NTM: variants seen among roughly 807,000 people sequenced by gnomAD.
The protein encoded by NTM is IgLON family member 2.
Under a neutral mutation model 42.1 loss-of-function variants are expected in NTM, and 13 were observed. That is an observed-to-expected ratio of 0.31 (90% CI 0.20 to 0.49). The LOEUF is 0.49. NTM is among the 20% of genes least tolerant of loss of function. The pLI is 0.99. For synonymous variants in NTM, 187 were observed against 179.2 expected (o/e 1.04, Z -0.35); for missense variants, 373 against 452.8 (o/e 0.82, Z 1.60).
chr11:132,171,922 A>G (rs2076171727), intron 3 of NTM, among the ~76,000 whole-genome samples: 1 of 152,146 alleles, frequency 6.6e-6, no homozygotes, highest in African/African-American at 2.4e-5. Flanking sequence ...CAAATCTCCT[A>G]TGGTGGTCTC....
At chr11:132,004,634 T>TCTCA (rs1296009968) in intron 2 of NTM, among the ~76,000 whole-genome samples, 62 of 104,636 alleles carry the variant, frequency 5.9e-4, no homozygotes, top group South Asian at 1.1e-3. Context: ...TCTCTCTCTC[T>TCTCA]CACACACACA....
At chr11:131,523,816 A>G (rs1332342555) in intron 1 of NTM, among the ~76,000 whole-genome samples, 1 of 150,964 alleles carries the variant, frequency 6.6e-6, no homozygotes, top group African/African-American at 2.4e-5. Context: ...GAATAAGAAG[A>G]AGAAAAGGAA....
intron 1 of NTM, among the ~76,000 whole-genome samples, chr11:131,781,519 G>A (rs1241614893): frequency 6.6e-6 from 1 of 151,954 alleles, no homozygotes; most frequent in East Asian, 1.9e-4. Flanking sequence ...ATTTATTATT[G>A]TTAAATGTGT....
At chr11:131,621,197 C>T (rs954651310) in intron 1 of NTM, among the ~76,000 whole-genome samples, 2 of 152,184 alleles carry the variant, frequency 1.3e-5, no homozygotes, top group Non-Finnish European at 2.9e-5. Flanking sequence ...TAATTTACGT[C>T]TGTGTATTCA....
chr11:132,002,611 C>T lies in NTM; in HGVS notation c.167+90963C>T, dbSNP rs893867475. ...TGAATAACTTTCTGCCTCTAGTATC[C>T]CCAAACTTATGTTTTGTTTTTTCTT... On this transcript the variant is annotated intron_variant, in intron 2 of 8. Transcript: ENST00000683400. The surrounding 1 kb of genome is among the most constrained non-coding windows in gnomAD (Gnocchi z 4.5). 4.1e-4 allele frequency among the ~76,000 whole-genome samples: 62 copies of T among 152,274 alleles called. No homozygotes were observed. The highest frequency in any genetic ancestry group is 1.4e-3 in the African/African-American group (59 of 41,548).
chr11:131,927,805 TAGTC>T (rs2058127298), intron 2 of NTM, among the ~76,000 whole-genome samples: 1 of 152,194 alleles, frequency 6.6e-6, no homozygotes, highest in African/African-American at 2.4e-5. Context: ...GGGTCACACA[TAGTC>T]AGCTCCCAAT....
At chr11:131,686,634 C>T (rs969894013) in intron 1 of NTM, among the ~76,000 whole-genome samples, 23 of 152,196 alleles carry the variant, frequency 1.5e-4, no homozygotes, top group Non-Finnish European at 3.2e-4. Flanking sequence ...TGTGGATCCA[C>T]GTATAAGTGG....
At chr11:132,214,392 C>G (rs958235856) in intron 4 of NTM, among the ~76,000 whole-genome samples, 2 of 151,574 alleles carry the variant, frequency 1.3e-5, no homozygotes, top group African/African-American at 4.8e-5. Context: ...TGTTTGATGT[C>G]TCTTCTCATT....
chr11:131,977,309 G>C (rs1218194662), intron 2 of NTM, among the ~76,000 whole-genome samples: 1 of 152,328 alleles, frequency 6.6e-6, no homozygotes, highest in East Asian at 1.9e-4. Context: ...CCCACGTGTT[G>C]TACTGCCAAA....
At chr11:131,739,187 C>CT (rs202211213) in intron 1 of NTM, among the ~76,000 whole-genome samples, 24,951 of 144,126 alleles carry the variant, frequency 0.17, 2,286 homozygotes, top group East Asian at 0.31. Context: ...CACAAGTTTT[C>CT]TTTTTTTTTT....
At chr11:132,172,004 T>C (rs1015214606) in intron 3 of NTM, among the ~76,000 whole-genome samples, 1 of 152,204 alleles carries the variant, frequency 6.6e-6, no homozygotes, top group African/African-American at 2.4e-5. Context: ...CCTATATTGG[T>C]GCTCATTCAG....
intron 1 of NTM, among the ~76,000 whole-genome samples, chr11:131,835,788 T>G (rs1187378414): frequency 2.0e-5 from 3 of 152,202 alleles, no homozygotes; most frequent in Non-Finnish European, 4.4e-5. Context: ...ATGCACTATT[T>G]GTTTTAACTC....
chr11:131,910,434 C>A (rs985245534), intron 1 of NTM, among the ~76,000 whole-genome samples: 4 of 151,762 alleles, frequency 2.6e-5, no homozygotes, highest in African/African-American at 9.7e-5. Flanking sequence ...CAGCCTGGGC[C>A]CGGCGCGGCG....
intron 2 of NTM, among the ~76,000 whole-genome samples, chr11:131,984,311 C>T (rs1050265320): frequency 8.5e-5 from 13 of 152,180 alleles, no homozygotes; most frequent in Non-Finnish European, 1.5e-5. Context: ...ATTCCAAAGT[C>T]CTTTTAAATG....
intron 4 of NTM, among the ~76,000 whole-genome samples, chr11:132,263,213 G>A (rs113377690): frequency 1.3e-5 from 2 of 152,222 alleles, no homozygotes; most frequent in Non-Finnish European, 2.9e-5. Context: ...CCCCAAGGCT[G>A]TTCAAGGGGG....
intron 1 of NTM, among the ~76,000 whole-genome samples, chr11:131,377,278 T>C (rs1031050248): frequency 1.3e-5 from 2 of 152,224 alleles, no homozygotes; most frequent in Admixed American, 1.3e-4. Context: ...GGATGGGGAA[T>C]GCTGCTGTGA....
At chr11:132,179,814 T>C (rs989740986) in intron 3 of NTM, among the ~76,000 whole-genome samples, 31 of 152,152 alleles carry the variant, frequency 2.0e-4, no homozygotes, top group African/African-American at 6.7e-4. Context: ...AGAGGAAAAC[T>C]TGAAGAAGAA....
chr11:131,610,028 C>T (rs1473002313), intron 1 of NTM, among the ~76,000 whole-genome samples: 1 of 152,244 alleles, frequency 6.6e-6, no homozygotes, highest in Non-Finnish European at 1.5e-5. Context: ...ATCACCCTAG[C>T]AGCATCTTGT....
intron 2 of NTM, among the ~76,000 whole-genome samples, chr11:131,951,821 CAAAAAAA>C (rs11366451): frequency 1.4e-5 from 1 of 70,154 alleles, no homozygotes; most frequent in Non-Finnish European, 2.6e-5. Flanking sequence ...GACTCCGTCT[CAAAAAAA>C]AAAAAAAAAA....
Sources: allele counts gnomAD v4.1 joint callset (sites outside exome capture counted in the v4.1 genomes callset), GRCh38; gene constraint gnomAD v4.1.1; non-coding constraint Gnocchi (gnomAD v3.1); transcripts MANE v1.5; gene names NCBI Gene and HGNC (gene_info 2026-07-23, HGNC 2026-07-21).